Variants in ANTXR2 observed in about 807,000 individuals in gnomAD.
ANTXR2 encodes the protein ANTXR cell adhesion molecule 2.
In ANTXR2, 44 loss-of-function variants were observed where a neutral mutation model predicts 73.7. That is an observed-to-expected ratio of 0.60 (90% CI 0.47 to 0.77). The LOEUF is 0.77. Among genes scored for constraint, ANTXR2 ranks in the 30% least tolerant of loss-of-function variants. The probability of loss-of-function intolerance (pLI) is 0.00; values close to 1 mark genes in which losing one functional copy is unlikely to be tolerated. For synonymous variants in ANTXR2, 217 were observed against 205.9 expected (o/e 1.05, Z -0.46); for missense variants, 604 against 592.5 (o/e 1.02, Z -0.20).
chr4:80,021,219 C>T (rs1476176389), intron 10 of ANTXR2, among the ~76,000 whole-genome samples: 1 of 147,948 alleles, frequency 6.8e-6, no homozygotes, highest in Non-Finnish European at 1.5e-5. Context: ...CGGATGTTTA[C>T]ATCTAATTAA....
chr4:80,010,518 C>A (rs1229589039), intron 11 of ANTXR2, among the ~76,000 whole-genome samples: 2 of 152,162 alleles, frequency 1.3e-5, no homozygotes, highest in Non-Finnish European at 2.9e-5. Flanking sequence ...ATACAGCTTT[C>A]AAAAGGGCTC....
chr4:79,944,069 G>A (rs1219937049), intron 16 of ANTXR2, among the ~76,000 whole-genome samples: 4 of 128,332 alleles, frequency 3.1e-5, no homozygotes, highest in Admixed American at 2.5e-4. Context: ...ACCTTCCAGA[G>A]GCTTTGCAAA....
intron 16 of ANTXR2, among the ~76,000 whole-genome samples, chr4:79,928,457 T>C (rs572010928): frequency 7.9e-5 from 12 of 152,304 alleles, no homozygotes; most frequent in African/African-American, 2.2e-4. Context: ...AATGTGAATA[T>C]ATTTAATGCT....
chr4:79,991,543 G>T (rs1354014232), intron 12 of ANTXR2, among the ~76,000 whole-genome samples: 1 of 152,112 alleles, frequency 6.6e-6, no homozygotes, highest in East Asian at 1.9e-4. Flanking sequence ...AAAGCAGTTT[G>T]AAGATTTCTC....
chr4:79,907,235 T>C lies in ANTXR2; in HGVS notation c.*194A>G, dbSNP rs747517375. 1.7e-5 allele frequency: 11 copies of C among 634,472 alleles called. No individual in the cohort carries two copies. The highest frequency in any genetic ancestry group is 2.7e-5 in the Non-Finnish European group (10 of 363,772). 39.3% of individuals were successfully genotyped at this position (634,472 alleles called of 1,614,324 possible). On this transcript the variant is annotated 3_prime_UTR_variant, in exon 17 of 17. Coordinates refer to ENST00000403729, the MANE Select transcript of ANTXR2 (RefSeq NM_058172.6). ...CCACTGAGTTTCATCACCTCCCATG[T>C]AGATGGCAGAACAAGTGTTTAGAAA...
intron 3 of ANTXR2, among the ~76,000 whole-genome samples, chr4:80,067,162 T>C (rs1190523782): frequency 2.7e-5 from 4 of 150,078 alleles, no homozygotes; most frequent in East Asian, 4.0e-4. Flanking sequence ...GCCAAGATCA[T>C]GCCATTGCAC....
intron 12 of ANTXR2, 72 bp downstream of exon 12, chr4:80,008,449 A>C: frequency 8.7e-7 from 1 of 1,149,444 alleles, no homozygotes; most frequent in Non-Finnish European, 1.2e-6. Context: ...CATGGCATTT[A>C]TTCATATTTC....
rs560245004 is a variant in ANTXR2 at position 80,038,991 on chromosome 4, C to T, written c.637-2959G>A. On this transcript the variant is annotated intron_variant, in intron 7 of 16. Coordinates refer to ENST00000403729, the MANE Select transcript of ANTXR2 (RefSeq NM_058172.6). Reference sequence around the variant, plus strand: ...CAGGGCCTTACACATTGTTTTGTGCCTTCGGTACAACCAATAAATGCTTAA... The same window carrying T: ...CAGGGCCTTACACATTGTTTTGTGCTTTCGGTACAACCAATAAATGCTTAA... Among the ~76,000 whole-genome samples the T allele has an allele frequency of 7.0e-4, 107 of 152,128 alleles. 1 individual carries two copies. Among genetic ancestry groups the T allele is most frequent in the African/African-American group, 2.5e-3 (102 of 41,534 alleles).
At chr4:79,998,100 C>T (rs1730817093) in intron 12 of ANTXR2, among the ~76,000 whole-genome samples, 2 of 151,964 alleles carry the variant, frequency 1.3e-5, no homozygotes, top group African/African-American at 4.8e-5. Context: ...AGCATTATTA[C>T]TATTTAGAAA....
intron 10 of ANTXR2, among the ~76,000 whole-genome samples, chr4:80,027,686 G>C (rs944060521): frequency 6.6e-6 from 1 of 152,078 alleles, no homozygotes; most frequent in Non-Finnish European, 1.5e-5. Context: ...ATAAGACTCC[G>C]GTTCATTCTG....
intron 16 of ANTXR2, among the ~76,000 whole-genome samples, chr4:79,962,568 G>T (rs557056932): frequency 6.6e-6 from 1 of 151,992 alleles, no homozygotes; most frequent in East Asian, 1.9e-4. Flanking sequence ...ACAAATTTCA[G>T]ATCTTATAGA....
rs188168015 is a variant in ANTXR2, at chr4:79,978,343, T to C, written c.1180-169A>G. Among the ~76,000 whole-genome samples the C allele has an allele frequency of 4.6e-3, 687 of 148,898 alleles. 10 individuals are homozygous for C. Among genetic ancestry groups the C allele is most frequent in the African/African-American group, 0.016 (656 of 40,366 alleles). ...AGAGGCTAAATAGGTTTCTCACCAC[T>C]CCTGACTGTATTTAATATTAAGATC... On this transcript the variant is annotated intron_variant, in intron 14 of 16. Transcript: ENST00000403729.
rs769006196 is a variant in ANTXR2 at position 79,930,481 on chromosome 4, G to C, written c.1429-23014C>G. On this transcript the variant is annotated intron_variant, in intron 16 of 16. Coordinates refer to ENST00000403729, the MANE Select transcript of ANTXR2 (RefSeq NM_058172.6). Reference sequence around the variant, plus strand: ...CATTTCCATCTTCCTAAAATGTGTTGTCTGCACATGCTTTCATGCTGAAGA... The same window carrying C: ...CATTTCCATCTTCCTAAAATGTGTTCTCTGCACATGCTTTCATGCTGAAGA... Among the ~76,000 whole-genome samples the C allele has an allele frequency of 5.3e-5, 8 of 152,260 alleles. 1 individual carries two copies. Among genetic ancestry groups the C allele is most frequent in the Admixed American group, 3.3e-4 (5 of 15,290 alleles).
rs1322374044 is a variant in ANTXR2 at position 79,910,511 on chromosome 4, AAAAAAAAAAAAGAAAAAAAAG to A, written c.1429-3065_1429-3045del. ...TGACAGAGCGAGACTCCGTCTCAAA[AAAAAAAAAAAAGAAAAAAAAG>A]AAAAAAAAAAAGAAAACAAAAACAA... is the stretch of plus-strand genomic sequence containing the variant. On this transcript the variant is annotated intron_variant, in intron 16 of 16. Transcript: ENST00000403729. 2.3e-5 allele frequency among the ~76,000 whole-genome samples: 3 copies of A among 131,210 alleles called. No individual in the cohort carries two copies. The Admixed American group carries it at 2.4e-4, about 10-fold the overall frequency. 86.1% of individuals were successfully genotyped at this position (131,210 alleles called of 152,430 possible). A position where few individuals can be genotyped will look rare whatever the true frequency, so the allele number is the denominator to read the frequency against.
intron 3 of ANTXR2, among the ~76,000 whole-genome samples, chr4:80,058,987 C>T (rs1578192744): frequency 6.6e-6 from 1 of 152,204 alleles, no homozygotes. Flanking sequence ...CTCTTTTCTG[C>T]ACTTGACAAC....
intron 16 of ANTXR2, among the ~76,000 whole-genome samples, chr4:79,929,498 C>A (rs922454156): frequency 2.6e-5 from 4 of 151,996 alleles, no homozygotes; most frequent in African/African-American, 4.8e-5. Flanking sequence ...GGCAACAGAG[C>A]GAGACTCAGT....
At position 79,903,476 on chromosome 4, in the gene ANTXR2, C is replaced by G. The variant is rs369116782; in HGVS notation, c.*3953G>C. The G allele has an allele frequency of 6.6e-6, 1 of 152,010 alleles. No homozygotes were observed. The highest frequency in any genetic ancestry group is 6.6e-5 in the Admixed American group (1 of 15,232). 9.4% of individuals were successfully genotyped at this position (152,010 alleles called of 1,614,324 possible). On this transcript the variant is annotated 3_prime_UTR_variant, in exon 17 of 17. Coordinates refer to ENST00000403729, the MANE Select transcript of ANTXR2 (RefSeq NM_058172.6). ...GTTGTACTGTGTACTTACTTATCAG[C>G]CTTTTCTTTTGGCAGGAGAGCACAA...
intron 14 of ANTXR2, among the ~76,000 whole-genome samples, chr4:79,980,661 G>T (rs764716909): frequency 6.6e-6 from 1 of 152,124 alleles, no homozygotes; most frequent in Non-Finnish European, 1.5e-5. Flanking sequence ...TGAATTGGCA[G>T]AAACACACAT....
intron 16 of ANTXR2, among the ~76,000 whole-genome samples, chr4:79,918,488 AT>A (rs1727442535): frequency 6.6e-6 from 1 of 152,114 alleles, no homozygotes; most frequent in Admixed American, 6.6e-5. Flanking sequence ...TAAAGAGGGA[AT>A]GGTGATAAGC....
Sources: allele counts gnomAD v4.1 joint callset (sites outside exome capture counted in the v4.1 genomes callset), GRCh38; gene constraint gnomAD v4.1.1; transcripts MANE v1.5; gene names NCBI Gene and HGNC (gene_info 2026-07-23, HGNC 2026-07-21).